Variants in PMFBP1 observed in about 807,000 individuals in gnomAD.
The protein encoded by PMFBP1 is polyamine modulated factor 1 binding protein 1.
Under a neutral mutation model 137.8 loss-of-function variants are expected in PMFBP1, and 131 were observed. The ratio of observed to expected loss-of-function variants is 0.95; its 90% confidence interval spans 0.82 to 1.10. The LOEUF (loss-of-function observed/expected upper bound fraction) is 1.10, where lower values mean the gene tolerates loss of function less well. PMFBP1 is among the 50% of genes least tolerant of loss of function. PMFBP1 has a pLI of 0.00. For synonymous variants in PMFBP1, 490 were observed against 450.4 expected (o/e 1.09, Z -1.11); for missense variants, 1,199 against 1,175.4 (o/e 1.02, Z -0.29).
the PMFBP1 span, among the ~76,000 whole-genome samples, chr16:72,183,682 T>C: frequency 6.6e-6 from 1 of 152,086 alleles, no homozygotes; most frequent in Admixed American, 6.5e-5. Flanking sequence ...TGAATTGGGG[T>C]GGGGGCAACA....
the PMFBP1 span, among the ~76,000 whole-genome samples, chr16:72,226,608 T>G: frequency 6.6e-6 from 1 of 152,344 alleles, no homozygotes; most frequent in East Asian, 1.9e-4. Context: ...TCAGAATTGT[T>G]TCTTTGTAAG....
chr16:72,125,201 A>G, intron 16 of PMFBP1, 37 bp downstream of exon 16: 1 of 1,598,912 alleles, frequency 6.3e-7, no homozygotes, highest in East Asian at 2.2e-5. Flanking sequence ...GTGGACCCCT[A>G]CCAGGAAGGC....
Position 72,120,043 on chromosome 16 carries a change from G to C in PMFBP1, c.2815C>G (p.Leu939Val). 6.2e-7 allele frequency: 1 copy of C among 1,614,170 alleles called. No homozygotes were observed. The highest frequency in any genetic ancestry group is 8.5e-7 in the Non-Finnish European group (1 of 1,180,050). ...MVHLQQENKK[L>V]KKEIEEKKMK... ...TTCTTCTCTTCTATCTCCTTCTTCA[G>C]CTTCTTGTTTTCCTGCTGCAAGTGG... is the stretch of plus-strand genomic sequence containing the variant. The change falls in exon 20 of 21, where the codon CTG becomes GTG. Residue 939 changes from leucine to valine, a missense_variant. Physicochemically the swap from Leu to Val is conservative, Grantham distance 32. Transcript: ENST00000237353.
chr16:72,191,067 T>C, the PMFBP1 span, among the ~76,000 whole-genome samples: 1 of 152,186 alleles, frequency 6.6e-6, no homozygotes, highest in African/African-American at 2.4e-5. Flanking sequence ...CTGCAAGTCA[T>C]TTCAGGAAAT....
chr16:72,145,336 G>A (rs1381936814), intron 5 of PMFBP1, among the ~76,000 whole-genome samples: 1 of 152,150 alleles, frequency 6.6e-6, no homozygotes, highest in Non-Finnish European at 1.5e-5. Flanking sequence ...AAACCAAGGA[G>A]AACAAAGACA....
the PMFBP1 span, among the ~76,000 whole-genome samples, chr16:72,193,903 T>C: frequency 2.0e-5 from 3 of 151,908 alleles, no homozygotes; most frequent in African/African-American, 7.2e-5. Flanking sequence ...GGGTTAATAT[T>C]TCTAGTTCCA....
chr16:72,140,322 A>G, intron 6 of PMFBP1, 90 bp downstream of exon 6: 2 of 1,337,842 alleles, frequency 1.5e-6, no homozygotes, highest in South Asian at 2.7e-5. Flanking sequence ...GGCGAAAAAG[A>G]TTAATTTAGG....
At chr16:72,247,092 T>C in the PMFBP1 span, among the ~76,000 whole-genome samples, 4 of 152,204 alleles carry the variant, frequency 2.6e-5, no homozygotes, top group African/African-American at 7.2e-5. Flanking sequence ...TTCCCCAGGA[T>C]AGAAGGAATG....
At chr16:72,202,011 CA>C in the PMFBP1 span, among the ~76,000 whole-genome samples, 1 of 152,208 alleles carries the variant, frequency 6.6e-6, no homozygotes, top group African/African-American at 2.4e-5. Context: ...GTTATTTATT[CA>C]TGTCCTATCA....
chr16:72,164,963 A>T (rs1567641823), intron 2 of PMFBP1, 47 bp from the exon 3 acceptor site: 29 of 1,523,774 alleles, frequency 1.9e-5, no homozygotes, highest in Non-Finnish European at 2.5e-5. Flanking sequence ...CTATCAAGAA[A>T]GTGCTGCTTT....
At chr16:72,144,846 A>G (rs377704493) in intron 5 of PMFBP1, among the ~76,000 whole-genome samples, 1 of 152,206 alleles carries the variant, frequency 6.6e-6, no homozygotes, top group East Asian at 1.9e-4. Flanking sequence ...CTAAATATAT[A>G]TGCACCCAAT....
chr16:72,159,366 G>T (rs1202707753), intron 3 of PMFBP1, among the ~76,000 whole-genome samples: 5 of 152,196 alleles, frequency 3.3e-5, no homozygotes, highest in Admixed American at 6.5e-5. Context: ...AAATGTCAAT[G>T]CTTTATCTTC....
chr16:72,139,686 G>A (rs1448544278), intron 6 of PMFBP1, among the ~76,000 whole-genome samples: 1 of 152,156 alleles, frequency 6.6e-6, no homozygotes, highest in Non-Finnish European at 1.5e-5. Context: ...AGGTTCTTCA[G>A]GGGCTGTGAT....
At chr16:72,155,990 T>C (rs1161927264) in intron 3 of PMFBP1, among the ~76,000 whole-genome samples, 2 of 152,044 alleles carry the variant, frequency 1.3e-5, no homozygotes, top group Non-Finnish European at 2.9e-5. Flanking sequence ...TAAAAATATA[T>C]ATTTATTTTA....
At chr16:72,205,468 A>G in the PMFBP1 span, among the ~76,000 whole-genome samples, 1 of 152,246 alleles carries the variant, frequency 6.6e-6, no homozygotes, top group Non-Finnish European at 1.5e-5. Flanking sequence ...GCAGCTGGAC[A>G]GCAAGAATGC....
At chr16:72,158,026 A>G (rs73582408) in intron 3 of PMFBP1, among the ~76,000 whole-genome samples, 1 of 152,310 alleles carries the variant, frequency 6.6e-6, no homozygotes, top group African/African-American at 2.4e-5. Flanking sequence ...GACCTGAAAG[A>G]CAAAAAATCT....
At position 72,154,317 on chromosome 16, in the gene PMFBP1, T is replaced by A. The variant is rs1477604871; in HGVS notation, c.308A>T (p.Glu103Val). 1 of 1,614,034 alleles carries A rather than the reference T, an allele frequency of 6.2e-7. No individual in the cohort carries two copies. The change falls in exon 4 of 21, where the codon GAG becomes GTG. Residue 103 changes from glutamate to valine, a missense_variant. Transcript: ENST00000237353. ...GAGAGAATAGTAAGAAGTCTGCAAC[T>A]CCTCTGTGTGAAACTCCAGTTCTTG... ...LQQELEFHTE[E>V]LQTSYYSLRQ... is the part of the protein sequence containing the mutation.
chr16:72,192,345 G>A, the PMFBP1 span, among the ~76,000 whole-genome samples: 54 of 152,074 alleles, frequency 3.6e-4, no homozygotes, highest in African/African-American at 1.2e-3. Context: ...AACTGTTATA[G>A]GATGCTAAAT....
At chr16:72,215,834 T>C in the PMFBP1 span, among the ~76,000 whole-genome samples, 1 of 152,188 alleles carries the variant, frequency 6.6e-6, no homozygotes, top group African/African-American at 2.4e-5. Context: ...ATAGGGAAGA[T>C]GGGTGGAAGA....
Sources: gnomAD v4.1 joint callset for allele counts (sites outside exome capture counted in the v4.1 genomes callset) on GRCh38, gnomAD v4.1.1 for gene constraint, MANE v1.5 for transcripts, NCBI Gene and HGNC (gene_info 2026-07-23, HGNC 2026-07-21) for gene names.